The following ANKRD29 variants were observed in gnomAD, a reference collection of about 807,000 sequenced individuals.
ANKRD29 encodes ankyrin repeat domain-containing protein 29.
Under a neutral mutation model 38.0 loss-of-function variants are expected in ANKRD29, and 32 were observed. The observed-to-expected ratio is 0.84, with a 90% confidence interval of 0.64 to 1.13. ANKRD29 has a LOEUF of 1.13. ANKRD29 is among the 50% of genes most tolerant of loss of function. ANKRD29 has a pLI of 0.00. For synonymous variants in ANKRD29, 135 were observed against 152.4 expected (o/e 0.89, Z 0.84); for missense variants, 357 against 377.9 (o/e 0.94, Z 0.46).
chr18:23,658,130 G>T (rs760844467), intron 1 of ANKRD29, among the ~76,000 whole-genome samples: 4 of 152,212 alleles, frequency 2.6e-5, no homozygotes, highest in African/African-American at 7.2e-5. Flanking sequence ...TGAGGACTAG[G>T]CATGGTGGCT....
chr18:23,634,512 A>G (rs1279112016), intron 4 of ANKRD29, among the ~76,000 whole-genome samples: 1 of 150,702 alleles, frequency 6.6e-6, no homozygotes, highest in Non-Finnish European at 1.5e-5. Context: ...CTGGTCTTGA[A>G]CTCCTGACCT....
At position 23,619,559 on chromosome 18, in the gene ANKRD29, C is replaced by T; in HGVS notation, c.599G>A (p.Arg200His). 1 of 1,597,200 alleles carries T rather than the reference C, an allele frequency of 6.3e-7. No individual in the cohort carries two copies. The highest frequency in any genetic ancestry group is 8.5e-7 in the Non-Finnish European group (1 of 1,178,814). ...HSEVVRVMLL[R>H]GADRDAARND... ...CCGCGCAGCGTCGCGGTCGGCTCCG[C>T]GCAGCAGCATCACCCGCACCACCTC... Residue 200 changes from arginine to histidine, a missense_variant, in exon 7 of 10, where the codon CGC becomes CAC. Physicochemically the swap from Arg to His is conservative, Grantham distance 29. Coordinates refer to ENST00000592179, the MANE Select transcript of ANKRD29 (RefSeq NM_173505.4).
In ANKRD29 at chr18:23,646,377, A is replaced by C. The variant is rs1598525279; in HGVS notation, c.133-90T>G. 2.3e-5 allele frequency: 26 copies of C among 1,141,360 alleles called. 1 individual carries two copies. In the East Asian group the frequency reaches 4.9e-4, roughly 21 times the overall value. 70.7% of individuals were successfully genotyped at this position (1,141,360 alleles called of 1,614,324 possible). A position where few individuals can be genotyped will look rare whatever the true frequency, so the allele number is the denominator to read the frequency against. On this transcript the variant is annotated intron_variant, in intron 2 of 9. Coordinates refer to ENST00000592179, the MANE Select transcript of ANKRD29 (RefSeq NM_173505.4). ...AAGATGCTGCAGAGATGTCAGCTCC[A>C]CTCAGAACACATCCAAGGGCAAAAT...
At chr18:23,634,542 G>A (rs1188096081) in intron 4 of ANKRD29, among the ~76,000 whole-genome samples, 7 of 151,772 alleles carry the variant, frequency 4.6e-5, no homozygotes, top group Non-Finnish European at 8.8e-5. Context: ...TGCCCACCGC[G>A]ACATCTCAAA....
At chr18:23,658,631 A>G (rs1478180256) in intron 1 of ANKRD29, among the ~76,000 whole-genome samples, 2 of 152,210 alleles carry the variant, frequency 1.3e-5, no homozygotes, top group African/African-American at 4.8e-5. Flanking sequence ...CCAGGAGGAC[A>G]GGGGCTGAGG....
chr18:23,619,374 C>A (rs1256767251), intron 7 of ANKRD29, 157 bp downstream of exon 7: 14 of 677,030 alleles, frequency 2.1e-5, no homozygotes, highest in Non-Finnish European at 2.9e-5. Flanking sequence ...AGGAGAGAGA[C>A]CGAGCAGCAC....
chr18:23,635,460 T>C (rs2059990749), intron 4 of ANKRD29, among the ~76,000 whole-genome samples: 1 of 152,198 alleles, frequency 6.6e-6, no homozygotes, highest in Admixed American at 6.5e-5. Context: ...TGTGGTCAAC[T>C]AAAATCCTTA....
intron 3 of ANKRD29, among the ~76,000 whole-genome samples, chr18:23,643,309 C>T (rs2060100657): frequency 6.6e-6 from 1 of 152,186 alleles, no homozygotes; most frequent in Non-Finnish European, 1.5e-5. Flanking sequence ...AGCATCCTCC[C>T]ACTGCTTTAT....
In ANKRD29 at chr18:23,633,226, C is replaced by T. The variant is rs74906130; in HGVS notation, c.429+825G>A. On this transcript the variant is annotated intron_variant, in intron 5 of 9. Transcript: ENST00000592179. ...ATTGACAGTTAGCTGCAAACAGACC[C>T]GCACTAGCAGTGGATGCCTTTCACA... 8.7e-4 allele frequency among the ~76,000 whole-genome samples: 133 copies of T among 152,282 alleles called. 1 individual carries two copies. Among genetic ancestry groups the T allele is most frequent in the African/African-American group, 3.1e-3 (128 of 41,562 alleles).
At chr18:23,613,844 T>TTGGCCTTCCAAGGACTTG (rs1277506753) in intron 8 of ANKRD29, among the ~76,000 whole-genome samples, 3 of 152,004 alleles carry the variant, frequency 2.0e-5, no homozygotes, top group Non-Finnish European at 4.4e-5. Flanking sequence ...GTGATCCTCC[T>TTGGCCTTCCAAGGACTTG]GCCTTGGCCT....
rs540770380 is a variant in ANKRD29 at position 23,631,143 on chromosome 18, G to A, written c.430-1192C>T. Among the ~76,000 whole-genome samples the A allele has an allele frequency of 1.8e-4, 28 of 151,666 alleles. 1 individual carries two copies. In the South Asian group the frequency reaches 5.6e-3, roughly 31 times the overall value. On this transcript the variant is annotated intron_variant, in intron 5 of 9. Transcript: ENST00000592179. ...CTGGGTACGATGGCATACACCTGTGGTCCCAACTACTCAAGAGGCTGAGGC... is the reference window on the plus strand; with the variant it reads ...CTGGGTACGATGGCATACACCTGTGATCCCAACTACTCAAGAGGCTGAGGC...
At position 23,634,032 on chromosome 18, in the gene ANKRD29, C is replaced by T. The variant is rs1167651369; in HGVS notation, c.429+19G>A. 4 of 1,611,738 alleles carry T rather than the reference C, an allele frequency of 2.5e-6. No individual in the cohort carries two copies. The South Asian group carries it at 4.4e-5, about 18-fold the overall frequency. On this transcript the variant is annotated intron_variant, in intron 5 of 9. Coordinates refer to ENST00000592179, the MANE Select transcript of ANKRD29 (RefSeq NM_173505.4). ...TATGTGATGAGAAATGTCCTAATGT[C>T]CCCCTGAAATGCACTCACATAAAGT... is the stretch of plus-strand genomic sequence containing the variant.
At chr18:23,622,048 G>A (rs1327594767) in intron 6 of ANKRD29, among the ~76,000 whole-genome samples, 1 of 152,076 alleles carries the variant, frequency 6.6e-6, no homozygotes, top group Non-Finnish European at 1.5e-5. Flanking sequence ...CGACTGCAGT[G>A]CCATCATAAA....
At chr18:23,653,271 T>G (rs2145734813) in intron 1 of ANKRD29, among the ~76,000 whole-genome samples, 1 of 152,328 alleles carries the variant, frequency 6.6e-6, no homozygotes, top group Non-Finnish European at 1.5e-5. Context: ...TTATTTAAGA[T>G]GGATAATCTC....
chr18:23,605,144 C>T (rs370284643), intron 9 of ANKRD29, among the ~76,000 whole-genome samples: 1 of 152,086 alleles, frequency 6.6e-6, no homozygotes, highest in African/African-American at 2.4e-5. Context: ...TGCTTTTGAA[C>T]TCCTGACCTC....
intron 6 of ANKRD29, among the ~76,000 whole-genome samples, chr18:23,622,908 T>C (rs2059814195): frequency 6.6e-6 from 1 of 152,154 alleles, no homozygotes; most frequent in Non-Finnish European, 1.5e-5. Flanking sequence ...ATGATAACAC[T>C]CATCAAATAT....
At chr18:23,654,272 T>C (rs890133783) in intron 1 of ANKRD29, among the ~76,000 whole-genome samples, 9 of 133,124 alleles carry the variant, frequency 6.8e-5, no homozygotes, top group Non-Finnish European at 1.1e-4. Context: ...TTCCCCAGCC[T>C]CCACAAAAAA....
chr18:23,611,002 C>G (rs566185014), intron 9 of ANKRD29, among the ~76,000 whole-genome samples: 13 of 152,356 alleles, frequency 8.5e-5, no homozygotes, highest in African/African-American at 3.1e-4. Flanking sequence ...CAAGACCTTT[C>G]CTAGGCTACT....
At chr18:23,608,725 C>T (rs1324804640) in intron 9 of ANKRD29, among the ~76,000 whole-genome samples, 2 of 152,196 alleles carry the variant, frequency 1.3e-5, no homozygotes, top group Non-Finnish European at 2.9e-5. Flanking sequence ...GAATTCAGCT[C>T]ATGGTTTGAC....
Sources: gnomAD v4.1 joint callset for allele counts (sites outside exome capture counted in the v4.1 genomes callset) on GRCh38, gnomAD v4.1.1 for gene constraint, MANE v1.5 for transcripts, NCBI Gene and HGNC (gene_info 2026-07-23, HGNC 2026-07-21) for gene names.